CLEC9A: variants seen among roughly 807,000 people sequenced by gnomAD.
CLEC9A encodes the protein C-type lectin domain containing 9A, also known as C-type lectin domain family 9 member A.
In CLEC9A, 24 loss-of-function variants were observed where a neutral mutation model predicts 30.0. That is an observed-to-expected ratio of 0.80 (90% CI 0.58 to 1.13). The LOEUF is 1.13. CLEC9A is among the 50% of genes most tolerant of loss of function. The pLI is 0.00. For missense variants in CLEC9A, 251 were observed against 280.9 expected, an observed-to-expected ratio of 0.89 and a Z score of 0.76; for synonymous variants, 111 against 96.8, an observed-to-expected ratio of 1.15 and a Z score of -0.86.
In CLEC9A at chr12:10,052,747, C is replaced by A. The variant is rs768649628; in HGVS notation, c.60C>A (p.Tyr20Ter). ...LQWDSPAPDT[Y>*]QKCLSSNKCS... ...GGGATAGCCCAGCACCAGACACTTA[C>A]CAGAAATGTCTGTCTTCCAACAAAT... The change falls in exon 4 of 9, where the codon TAC becomes TAA. Residue 20 changes from tyrosine (Y) to a stop codon, truncating the protein, a stop_gained. Transcript: ENST00000355819. LOFTEE classifies it high-confidence loss of function. 3.1e-6 allele frequency: 5 copies of A among 1,613,758 alleles called. No individual in the cohort carries two copies. Among genetic ancestry groups the A allele is most frequent in the South Asian group, 2.2e-5 (2 of 91,084 alleles).
At chr12:10,060,373 A>G (rs1040365655) in intron 5 of CLEC9A, among the ~76,000 whole-genome samples, 3 of 152,240 alleles carry the variant, frequency 2.0e-5, no homozygotes, top group Admixed American at 2.0e-4. Context: ...ACTCAACAAT[A>G]CAAAATAGGT....
chr12:10,061,419 A>C (rs1865996649), intron 6 of CLEC9A, 146 bp downstream of exon 6: 1 of 704,480 alleles, frequency 1.4e-6, no homozygotes, highest in African/African-American at 1.9e-5. Context: ...TCTTCAGTTC[A>C]ATCTTATTTA....
At chr12:10,048,021 C>T (rs1865861170) in intron 2 of CLEC9A, among the ~76,000 whole-genome samples, 2 of 151,642 alleles carry the variant, frequency 1.3e-5, no homozygotes, top group East Asian at 3.9e-4. Flanking sequence ...ATCATGAGGT[C>T]AGGAGATCGA....
intron 5 of CLEC9A, 111 bp downstream of exon 5, chr12:10,054,462 A>G (rs904061673): frequency 1.4e-6 from 1 of 692,616 alleles, no homozygotes; most frequent in Non-Finnish European, 2.3e-6. Flanking sequence ...AATGATATAA[A>G]ATAATGGCCT....
rs556771987 is a variant in CLEC9A at position 10,061,192 on chromosome 12, C to T, written c.238C>T (p.Leu80=). ...EKLIQQERAL[L]NFTEWKRSCA... ...ACTCATCCAACAAGAGAGGGCACTG[C>T]TAAACTTTACAGAATGGAAGAGAAG... The change falls in exon 6 of 9, where the codon CTA becomes TTA. Residue 80 remains leucine (L), a synonymous_variant. Transcript: ENST00000355819. 6.8e-6 allele frequency: 11 copies of T among 1,613,180 alleles called. No homozygotes were observed. In the East Asian group the frequency reaches 2.2e-4, roughly 33 times the overall value.
At chr12:10,032,251 G>A (rs1244737024) in intron 1 of CLEC9A, among the ~76,000 whole-genome samples, 1 of 152,078 alleles carries the variant, frequency 6.6e-6, no homozygotes, top group Non-Finnish European at 1.5e-5. Flanking sequence ...ATAGACGCAG[G>A]ACAAGAACTC....
At chr12:10,054,183 T>A (rs537661229) in intron 4 of CLEC9A, 88 bp from the exon 5 acceptor site, 129 of 1,048,772 alleles carry the variant, frequency 1.2e-4, no homozygotes, top group Non-Finnish European at 1.8e-4. Context: ...TGTTAATTCC[T>A]TCTTTTACTC....
At chr12:10,036,920 T>C (rs1255811353) in intron 1 of CLEC9A, among the ~76,000 whole-genome samples, 2 of 152,162 alleles carry the variant, frequency 1.3e-5, no homozygotes, top group African/African-American at 4.8e-5. Flanking sequence ...CAAATACGTA[T>C]TGGGTAACAC....
chr12:10,046,989 G>A (rs763252362), intron 2 of CLEC9A, among the ~76,000 whole-genome samples: 2 of 152,044 alleles, frequency 1.3e-5, no homozygotes, highest in Non-Finnish European at 1.5e-5. Flanking sequence ...AGAATACCAA[G>A]CATGTAATAC....
intron 1 of CLEC9A, among the ~76,000 whole-genome samples, chr12:10,035,036 T>C (rs891414035): frequency 1.8e-4 from 27 of 152,170 alleles, no homozygotes; most frequent in Non-Finnish European, 3.2e-4. Flanking sequence ...AAAAGGGTGA[T>C]GGTTTTCCCC....
At position 10,062,938 on chromosome 12, in the gene CLEC9A, G is replaced by A. The variant is rs1012383795; in HGVS notation, c.320-117G>A. On this transcript the variant is annotated intron_variant, in intron 6 of 8. Coordinates refer to ENST00000355819, the MANE Select transcript of CLEC9A (RefSeq NM_207345.4). ...GAAATTGGTAAGTGCTACATCATGT[G>A]GACCATTACGTTATGAGATTCAGCC... 14 of 759,396 alleles carry A rather than the reference G, an allele frequency of 1.8e-5. No homozygotes were observed. The African/African-American group carries it at 2.4e-4, about 13-fold the overall frequency. The allele number at this position is 759,396 out of a possible 1,614,324, so 47.0% of individuals were successfully genotyped here. A position where few individuals can be genotyped will look rare whatever the true frequency, so the allele number is the denominator to read the frequency against.
At chr12:10,052,830 T>C (rs1291694446) in intron 4 of CLEC9A, 52 bp downstream of exon 4, 1 of 1,591,778 alleles carries the variant, frequency 6.3e-7, no homozygotes. Flanking sequence ...TGTTTTTTTT[T>C]TTTTTCTGCT....
At chr12:10,061,024 CT>C (rs762064852) in intron 5 of CLEC9A, 102 bp from the exon 6 acceptor site, 26 of 1,332,604 alleles carry the variant, frequency 2.0e-5, no homozygotes, top group Non-Finnish European at 2.6e-5. Context: ...AAATTCAAGT[CT>C]CAAAAATAAT....
At chr12:10,037,300 G>A (rs761936834) in intron 1 of CLEC9A, among the ~76,000 whole-genome samples, 4 of 152,050 alleles carry the variant, frequency 2.6e-5, no homozygotes, top group Non-Finnish European at 5.9e-5. Context: ...GAGCGCTTTC[G>A]AACTACATTG....
At chr12:10,046,772 G>A (rs1208030019) in intron 2 of CLEC9A, among the ~76,000 whole-genome samples, 1 of 152,156 alleles carries the variant, frequency 6.6e-6, no homozygotes, top group Non-Finnish European at 1.5e-5. Flanking sequence ...GTTTTTACAA[G>A]CACCATGACA....
intron 4 of CLEC9A, among the ~76,000 whole-genome samples, 173 bp from the exon 5 acceptor site, chr12:10,054,098 C>T (rs535506813): frequency 6.6e-6 from 1 of 152,282 alleles, no homozygotes; most frequent in East Asian, 1.9e-4. Context: ...TATTTCAGTG[C>T]ATTTGAGCAA....
intron 1 of CLEC9A, among the ~76,000 whole-genome samples, chr12:10,031,661 A>G (rs180910461): frequency 1.3e-4 from 20 of 152,242 alleles, no homozygotes; most frequent in Admixed American, 7.8e-4. Context: ...AGTTAGTTAC[A>G]CCTGTAATCC....
chr12:10,063,353 G>A, intron 7 of CLEC9A, 147 bp downstream of exon 7: 3 of 780,920 alleles, frequency 3.8e-6, no homozygotes, highest in African/African-American at 1.8e-5. Flanking sequence ...AAACAAAGTT[G>A]GAATCTGTAT....
chr12:10,041,446 C>T lies in CLEC9A; in HGVS notation c.-317-20C>T. On this transcript the variant is annotated intron_variant, in intron 1 of 8. Transcript: ENST00000355819. ...CCAATTTAAAAACAACAACAACATT[C>T]CTGTGCTTGGTTTCTCCAGGTGACT... is the stretch of plus-strand genomic sequence containing the variant. 1 of 388,518 alleles carries T rather than the reference C, an allele frequency of 2.6e-6. No homozygotes were observed. The highest frequency in any genetic ancestry group is 3.2e-5 in the Admixed American group (1 of 31,522). The allele number at this position is 388,518 out of a possible 1,614,324, so 24.1% of individuals were successfully genotyped here. A position where few individuals can be genotyped will look rare whatever the true frequency, so the allele number is the denominator to read the frequency against.
Sources: allele counts gnomAD v4.1 joint callset (sites outside exome capture counted in the v4.1 genomes callset), GRCh38; gene constraint gnomAD v4.1.1; transcripts MANE v1.5; gene names NCBI Gene and HGNC (gene_info 2026-07-23, HGNC 2026-07-21).